GAS7: variants seen among roughly 807,000 people sequenced by gnomAD.
GAS7 encodes the protein growth arrest-specific protein 7.
A neutral mutation model predicts 71.1 loss-of-function variants in GAS7; 28 were observed. The ratio of observed to expected loss-of-function variants is 0.39; its 90% CI spans 0.29 to 0.54. The LOEUF (loss-of-function observed/expected upper bound fraction) is 0.54, where lower values mean the gene tolerates loss of function less well. Ranked by LOEUF, GAS7 falls within the 20% of genes least tolerant of loss-of-function variation. The pLI, the probability that GAS7 is intolerant of heterozygous loss-of-function variation, is 0.62. For synonymous variants in GAS7, 258 were observed against 245.8 expected (o/e 1.05, Z -0.46); for missense variants, 436 against 627.8 (o/e 0.69, Z 3.27).
rs372399804 is a variant in GAS7, at chr17:9,936,706, AAT to A, written c.807-2464_807-2463del. On this transcript the variant is annotated intron_variant, in intron 8 of 13. Coordinates refer to ENST00000432992, the MANE Select transcript of GAS7 (RefSeq NM_201433.2). ...GAGATTTTTCATCTGATAAACGGTT[AAT>A]GAAAAACAAAACAAAACCTGAGGTG... is the stretch of plus-strand genomic sequence containing the variant. Among the ~76,000 whole-genome samples, 117 of 152,314 alleles carry A rather than the reference AAT, an allele frequency of 7.7e-4. 1 individual carries two copies. Among genetic ancestry groups the A allele is most frequent in the African/African-American group, 2.7e-3 (113 of 41,562 alleles).
intron 1 of GAS7, among the ~76,000 whole-genome samples, chr17:10,121,318 T>C (rs1301926632): frequency 2.0e-5 from 3 of 152,028 alleles, no homozygotes; most frequent in African/African-American, 7.2e-5. Flanking sequence ...GAGGCAGAGA[T>C]TGCAGTGAGC....
At chr17:10,006,924 T>C (rs1319996381) in intron 2 of GAS7, among the ~76,000 whole-genome samples, 1 of 152,216 alleles carries the variant, frequency 6.6e-6, no homozygotes, top group African/African-American at 2.4e-5. Flanking sequence ...GAGTTGTTTG[T>C]CTTCAATAGC....
At chr17:9,963,027 C>T (rs1429512299) in intron 4 of GAS7, among the ~76,000 whole-genome samples, 6 of 138,858 alleles carry the variant, frequency 4.3e-5, no homozygotes, top group Admixed American at 1.5e-4. Context: ...AAAAATAAAT[C>T]GTCAAGGTGA....
At chr17:10,029,333 C>T (rs8075541) in intron 1 of GAS7, among the ~76,000 whole-genome samples, 48,269 of 151,998 alleles carry the variant, frequency 0.32, 7,867 homozygotes, top group African/African-American at 0.4. Flanking sequence ...TCCTCCTTAG[C>T]AGAAGTACTT....
chr17:9,984,955 G>A (rs28412807), intron 2 of GAS7, among the ~76,000 whole-genome samples: 7,460 of 152,134 alleles, frequency 0.049, 586 homozygotes, highest in African/African-American at 0.17. Context: ...CCTGGAGGCC[G>A]CACTGTTGCC....
intron 1 of GAS7, among the ~76,000 whole-genome samples, chr17:10,151,315 G>A (rs916655256): frequency 1.5e-4 from 23 of 151,684 alleles, no homozygotes; most frequent in African/African-American, 4.8e-4. Flanking sequence ...AAAGGGTTTC[G>A]TTTGCTTGTT....
At chr17:9,929,476 TATTTATTTA>T (rs2068131135) in intron 9 of GAS7, among the ~76,000 whole-genome samples, 1 of 152,094 alleles carries the variant, frequency 6.6e-6, no homozygotes, top group Non-Finnish European at 1.5e-5. Context: ...GTATTTTATT[TATTTATTTA>T]TTTTTTTGAG....
At chr17:10,112,592 G>A (rs772668793) in intron 1 of GAS7, among the ~76,000 whole-genome samples, 8 of 151,936 alleles carry the variant, frequency 5.3e-5, no homozygotes, top group South Asian at 2.1e-4. Context: ...AAAATTAGCC[G>A]GGCATGGTGG....
rs534066608 is a variant in GAS7 at position 9,966,148 on chromosome 17, G to A, written c.471+3529C>T. ...CGAGTAGCTGGGACTACAGGTGCCC[G>A]CCACCACGCCCGGCTAATTTTTTGT... On this transcript the variant is annotated intron_variant, in intron 4 of 13. Transcript: ENST00000432992. Among the ~76,000 whole-genome samples the A allele has an allele frequency of 2.2e-3, 331 of 151,852 alleles. 2 individuals carry two copies. The highest frequency in any genetic ancestry group is 7.8e-3 in the African/African-American group (324 of 41,426).
In GAS7 at chr17:10,153,571, GA is replaced by G. The variant is rs1275298529; in HGVS notation, c.183+44636del. 1.1e-4 allele frequency among the ~76,000 whole-genome samples: 17 copies of G among 151,692 alleles called. No homozygotes were observed. The East Asian group carries it at 3.3e-3, about 29-fold the overall frequency. ...GAGAAACCTGAAGCCTGACTGGCTG[GA>G]ACAGAAGGAATCCGTAAGAAATGAG... On this transcript the variant is annotated intron_variant, in intron 1 of 13. Transcript: ENST00000432992.
chr17:10,121,680 C>T (rs2073905309), intron 1 of GAS7, among the ~76,000 whole-genome samples: 1 of 152,168 alleles, frequency 6.6e-6, no homozygotes, highest in Admixed American at 6.5e-5. Flanking sequence ...AAATTCTCTC[C>T]ACCCACGAAA....
chr17:9,928,183 G>A (rs1001767659), intron 9 of GAS7, among the ~76,000 whole-genome samples: 5 of 151,840 alleles, frequency 3.3e-5, no homozygotes, highest in Non-Finnish European at 5.9e-5. Flanking sequence ...CGCGATCTCG[G>A]CTCACTGCAA....
intron 1 of GAS7, among the ~76,000 whole-genome samples, chr17:10,187,135 C>A (rs1402077783): frequency 6.6e-6 from 1 of 152,132 alleles, no homozygotes; most frequent in African/African-American, 2.4e-5. Context: ...GTGCTTTAGA[C>A]AATAAAATAC....
chr17:10,169,626 T>C (rs917783626), intron 1 of GAS7, among the ~76,000 whole-genome samples: 1 of 152,122 alleles, frequency 6.6e-6, no homozygotes, highest in Non-Finnish European at 1.5e-5. Context: ...TTCCGCCCAC[T>C]CTTTGGTTGC....
chr17:9,978,693 T>C (rs1028300091), intron 3 of GAS7, among the ~76,000 whole-genome samples: 1 of 151,948 alleles, frequency 6.6e-6, no homozygotes, highest in Admixed American at 6.6e-5. Context: ...AACTAGTATA[T>C]ACTATTGATT....
intron 1 of GAS7, among the ~76,000 whole-genome samples, chr17:10,178,785 C>G (rs183084089): frequency 8.4e-6 from 1 of 118,420 alleles, no homozygotes; most frequent in African/African-American, 3.3e-5. Context: ...TCATCAGAAA[C>G]AGGAAGATCT....
intron 2 of GAS7, among the ~76,000 whole-genome samples, chr17:9,982,879 C>A (rs913617978): frequency 6.6e-4 from 97 of 146,148 alleles, no homozygotes; most frequent in African/African-American, 2.3e-3. Flanking sequence ...GCAAAGAAAG[C>A]AAAGAAAGAG....
chr17:10,066,859 G>A (rs1222772026), intron 1 of GAS7, among the ~76,000 whole-genome samples: 1 of 152,090 alleles, frequency 6.6e-6, no homozygotes, highest in African/African-American at 2.4e-5. Flanking sequence ...GAAGAGAGTA[G>A]ACTTGGGAGC....
intron 1 of GAS7, among the ~76,000 whole-genome samples, chr17:10,190,904 G>A (rs998178093): frequency 9.9e-5 from 15 of 151,738 alleles, no homozygotes; most frequent in Admixed American, 6.5e-5. Context: ...GAACAGGCAC[G>A]GTGGTTCACG....
Sources: allele counts gnomAD v4.1 joint callset (sites outside exome capture counted in the v4.1 genomes callset), GRCh38; gene constraint gnomAD v4.1.1; transcripts MANE v1.5; gene names NCBI Gene and HGNC (gene_info 2026-07-23, HGNC 2026-07-21).